PRDM11: variants seen among roughly 807,000 people sequenced by gnomAD.
PRDM11 encodes PR domain-containing protein 11.
PRDM11 carries 20 observed loss-of-function variants against 97.8 expected under a neutral mutation model. The observed-to-expected ratio is 0.20, with a 90% CI of 0.14 to 0.30. The LOEUF (loss-of-function observed/expected upper bound fraction) is 0.30, where lower values mean the gene tolerates loss of function less well. Ranked by LOEUF, PRDM11 falls within the 10% of genes least tolerant of loss-of-function variation. The probability of loss-of-function intolerance (pLI) is 1.00; values close to 1 mark genes in which losing one functional copy is unlikely to be tolerated. For synonymous variants in PRDM11, 599 were observed against 637.7 expected (o/e 0.94, Z 0.91); for missense variants, 1,139 against 1,555.2 (o/e 0.73, Z 4.50).
Position 45,229,836 on chromosome 11 carries a change from G to T in PRDM11, c.*1677G>T, listed in dbSNP as rs1276545083. The stretch of plus-strand genomic sequence containing the variant: ...TTCATCTCTTGGTTGGCAGAGGGTG[G>T]TGTTATCTGGCCACAGGCAAGGCCC... On this transcript the variant is annotated 3_prime_UTR_variant, in exon 8 of 8. Coordinates refer to ENST00000683152, the MANE Select transcript of PRDM11 (RefSeq NM_001384648.1). 1 of 152,186 alleles carries T rather than the reference G, an allele frequency of 6.6e-6. No homozygotes were observed. Among genetic ancestry groups the T allele is most frequent in the Non-Finnish European group, 1.5e-5 (1 of 68,054 alleles). 9.4% of individuals were successfully genotyped at this position (152,186 alleles called of 1,614,324 possible).
intron 4 of PRDM11, among the ~76,000 whole-genome samples, chr11:45,201,760 G>T (rs1853334907): frequency 6.6e-6 from 1 of 152,090 alleles, no homozygotes; most frequent in South Asian, 2.1e-4. Flanking sequence ...GAGGTCAGGA[G>T]ATCAAGACCA....
rs1221172592 is a variant in PRDM11, at chr11:45,189,306, T to C, written c.486+6183T>C. The stretch of plus-strand genomic sequence containing the variant: ...ACATAAAATATACCACAATGGCATA[T>C]TAAAACTGGGAGAGAGAAAGAAGAA... On this transcript the variant is annotated intron_variant, in intron 4 of 7. Transcript: ENST00000683152. Among the ~76,000 whole-genome samples, 3 of 152,124 alleles carry C rather than the reference T, an allele frequency of 2.0e-5. No homozygotes were observed. The East Asian group carries it at 5.8e-4, about 29-fold the overall frequency.
chr11:45,146,948 AGCGCGGGGGCCGCCG>A (rs1283313774), intron 1 of PRDM11, 71 bp downstream of exon 1: 1 of 144,864 alleles, frequency 6.9e-6, no homozygotes, highest in African/African-American at 2.5e-5. Context: ...TTTGCCAGCG[AGCGCGGGGGCCGCCG>A]GTGCGGGGGC....
intron 7 of PRDM11, among the ~76,000 whole-genome samples, chr11:45,225,596 T>G (rs1236675943): frequency 6.6e-6 from 1 of 152,234 alleles, no homozygotes; most frequent in Non-Finnish European, 1.5e-5. Flanking sequence ...TTCACATTAA[T>G]GAAGGGCAAA....
At chr11:45,188,646 G>A (rs952410732) in intron 4 of PRDM11, among the ~76,000 whole-genome samples, 96 of 152,198 alleles carry the variant, frequency 6.3e-4, no homozygotes, top group African/African-American at 2.2e-3. Flanking sequence ...ACTCTCCTTC[G>A]TGGCCTGGCT....
Position 45,226,112 on chromosome 11 carries a change from T to A in PRDM11, c.1487T>A (p.Met496Lys), listed in dbSNP as rs1334508623. Reference protein sequence around the residue: ...MMTATDEPSKMSSATGRRIRR... With the variant: ...MMTATDEPSKKSSATGRRIRR... The stretch of plus-strand genomic sequence containing the variant: ...ACAGCGACGGATGAGCCCTCCAAGA[T>A]GTCATCGGCCACCGGGCGCCGAATC... Residue 496 changes from methionine to lysine, a missense_variant, in exon 8 of 8, where the codon ATG becomes AAG. Met to Lys is a moderately conservative substitution (Grantham distance 95, BLOSUM62 -1). Transcript: ENST00000683152. 6.5e-7 allele frequency: 1 copy of A among 1,533,188 alleles called. No individual in the cohort carries two copies. The highest frequency in any genetic ancestry group is 8.7e-7 in the Non-Finnish European group (1 of 1,146,056). The allele number at this position is 1,533,188 out of a possible 1,614,324, so 95.0% of individuals were successfully genotyped here.
At chr11:45,128,424 C>T (rs1852634504) in intron 1 of PRDM11, among the ~76,000 whole-genome samples, 1 of 152,170 alleles carries the variant, frequency 6.6e-6, no homozygotes, top group Admixed American at 6.5e-5. Context: ...GCAGAAATCA[C>T]CCATCTTCTG....
Position 45,224,227 on chromosome 11 carries a change from G to GT in PRDM11, c.755dup (p.Leu252PhefsTer7). ...GGTTTTCCTTCCTAGGAGAGAAGAG[G>GT]TTGCAGAGGGAGAAGTCTGAGCAGG... is the stretch of plus-strand genomic sequence containing the variant. On this transcript the variant is annotated frameshift_variant, in exon 7 of 8. Transcript: ENST00000683152. LOFTEE classifies it high-confidence loss of function. The GT allele has an allele frequency of 6.3e-7, 1 of 1,586,704 alleles. No homozygotes were observed. Among genetic ancestry groups the GT allele is most frequent in the Non-Finnish European group, 8.6e-7 (1 of 1,168,588 alleles).
At chr11:45,098,999 T>C (rs1590334765) in intron 1 of PRDM11, among the ~76,000 whole-genome samples, 1 of 151,854 alleles carries the variant, frequency 6.6e-6, no homozygotes, top group South Asian at 2.1e-4. Flanking sequence ...TGGCTGATAG[T>C]GTATTGAAGT....
intron 1 of PRDM11, chr11:45,095,986 A>G (rs1321507065): frequency 5.5e-6 from 4 of 723,976 alleles, no homozygotes; most frequent in Admixed American, 2.0e-5. Context: ...CTTCCTCCAG[A>G]TCTTTATTCA....
chr11:45,182,752 G>A, intron 3 of PRDM11, 109 bp from the exon 4 acceptor site: 1 of 1,345,014 alleles, frequency 7.4e-7, no homozygotes, highest in Non-Finnish European at 1.0e-6. Context: ...CCTGGGGCCT[G>A]CAGCTGGCTG....
intron 1 of PRDM11, among the ~76,000 whole-genome samples, chr11:45,175,577 A>T (rs947983308): frequency 2.0e-5 from 3 of 152,190 alleles, no homozygotes; most frequent in African/African-American, 7.2e-5. Context: ...TGGAGGTTTA[A>T]ATTCTTTCCT....
intron 1 of PRDM11, among the ~76,000 whole-genome samples, chr11:45,170,019 AG>A (rs1852163476): frequency 6.6e-6 from 1 of 152,222 alleles, no homozygotes. Context: ...GTGCTGCTTA[AG>A]TTTGATGGTG....
intron 1 of PRDM11, among the ~76,000 whole-genome samples, chr11:45,169,048 G>A (rs573667517): frequency 6.6e-6 from 1 of 152,294 alleles, no homozygotes; most frequent in East Asian, 1.9e-4. Flanking sequence ...GTTGGGAGGA[G>A]CCCCCTCTGC....
chr11:45,228,717 G>A lies in PRDM11; in HGVS notation c.*558G>A, dbSNP rs558607579. 4 of 152,204 alleles carry A rather than the reference G, an allele frequency of 2.6e-5. No individual in the cohort carries two copies. The South Asian group carries it at 8.3e-4, about 32-fold the overall frequency. The allele number at this position is 152,204 out of a possible 1,614,324, so 9.4% of individuals were successfully genotyped here. On this transcript the variant is annotated 3_prime_UTR_variant, in exon 8 of 8. Transcript: ENST00000683152. Reference sequence around the variant, plus strand: ...GTCTGTCTGCATTTGGGAGGCAGGGGGGTTGACCTTTCTCCCTCCCCACCT... The same window carrying A: ...GTCTGTCTGCATTTGGGAGGCAGGGAGGTTGACCTTTCTCCCTCCCCACCT...
At chr11:45,216,708 T>G (rs142452812) in intron 5 of PRDM11, among the ~76,000 whole-genome samples, 64 of 152,370 alleles carry the variant, frequency 4.2e-4, no homozygotes, top group African/African-American at 1.4e-3. Context: ...GAATAAGCAT[T>G]GATCTGCCTT....
chr11:45,174,515 G>A (rs1160862439), intron 1 of PRDM11, among the ~76,000 whole-genome samples: 2 of 152,098 alleles, frequency 1.3e-5, no homozygotes, highest in African/African-American at 4.8e-5. Flanking sequence ...AGAGATATGG[G>A]GGTCCTTACC....
intron 1 of PRDM11, among the ~76,000 whole-genome samples, chr11:45,105,593 T>TG (rs1330102206): frequency 6.6e-6 from 1 of 152,224 alleles, no homozygotes; most frequent in African/African-American, 2.4e-5. Context: ...CCTCCAGCCG[T>TG]GGTGACAGCA....
chr11:45,184,855 A>G (rs1459313288), intron 4 of PRDM11, among the ~76,000 whole-genome samples: 4 of 152,004 alleles, frequency 2.6e-5, no homozygotes, highest in African/African-American at 9.7e-5. Context: ...GTGGGTGTGG[A>G]GCGCAGAACC....
Sources: gnomAD v4.1 joint callset for allele counts (sites outside exome capture counted in the v4.1 genomes callset) on GRCh38, gnomAD v4.1.1 for gene constraint, MANE v1.5 for transcripts, NCBI Gene and HGNC (gene_info 2026-07-23, HGNC 2026-07-21) for gene names.